RANBP2: variants seen among roughly 807,000 people sequenced by gnomAD.
RANBP2 encodes the protein RAN binding protein 2, also known as E3 SUMO-protein ligase RanBP2.
A neutral mutation model predicts 303.6 loss-of-function variants in RANBP2; 57 were observed. The observed-to-expected ratio is 0.19, with a 90% CI of 0.15 to 0.23. The LOEUF is 0.23. Ranked by LOEUF, RANBP2 falls within the 10% of genes least tolerant of loss-of-function variation. The pLI, the probability that RANBP2 is intolerant of heterozygous loss-of-function variation, is 1.00. For synonymous variants in RANBP2, 1,167 were observed against 1,301.5 expected, an observed-to-expected ratio of 0.90 and a Z score of 2.23; for missense variants, 3,138 against 3,780.8, an observed-to-expected ratio of 0.83 and a Z score of 4.46.
At chr2:108,933,780 G>T in the RANBP2 span, among the ~76,000 whole-genome samples, 15 of 152,080 alleles carry the variant, frequency 9.9e-5, no homozygotes, top group African/African-American at 3.1e-4. Flanking sequence ...TCGGGGTGGC[G>T]GGGAGGCAAG....
At chr2:109,317,948 C>T in the RANBP2 span, among the ~76,000 whole-genome samples, 3 of 152,178 alleles carry the variant, frequency 2.0e-5, no homozygotes, top group East Asian at 5.9e-4. Context: ...CACAACTCTG[C>T]CGCTTGTCCT....
At chr2:108,978,088 G>C in the RANBP2 span, among the ~76,000 whole-genome samples, 1 of 152,196 alleles carries the variant, frequency 6.6e-6, no homozygotes, top group East Asian at 1.9e-4. Flanking sequence ...ATAGGGAAGA[G>C]CCCAGGGTAG....
the RANBP2 span, among the ~76,000 whole-genome samples, chr2:109,687,259 C>T: frequency 6.6e-6 from 1 of 152,140 alleles, no homozygotes; most frequent in Admixed American, 6.5e-5. Context: ...TCAACAAAGA[C>T]TTTTATTTGG....
chr2:108,971,813 G>A, the RANBP2 span, among the ~76,000 whole-genome samples: 8 of 152,188 alleles, frequency 5.3e-5, no homozygotes, highest in Non-Finnish European at 5.9e-5. Context: ...CTGTGTGAAC[G>A]GGCTGGATTT....
the RANBP2 span, chr2:109,347,886 A>T: frequency 1.9e-6 from 3 of 1,612,652 alleles, no homozygotes; most frequent in Non-Finnish European, 2.5e-6. Context: ...CCCAGGGAAA[A>T]GCACTTTATG....
At chr2:109,473,283 C>A in the RANBP2 span, among the ~76,000 whole-genome samples, 2 of 152,194 alleles carry the variant, frequency 1.3e-5, no homozygotes, top group Non-Finnish European at 2.9e-5. Flanking sequence ...TGGGGTTGGG[C>A]CCTGCAGAGC....
the RANBP2 span, among the ~76,000 whole-genome samples, chr2:109,103,960 A>AT: frequency 1.3e-5 from 2 of 151,830 alleles, no homozygotes; most frequent in East Asian, 1.9e-4. Flanking sequence ...CACCCAGCTG[A>AT]TTTTTTGTAT....
chr2:109,120,112 G>C, the RANBP2 span, among the ~76,000 whole-genome samples: 3 of 152,262 alleles, frequency 2.0e-5, no homozygotes, highest in Non-Finnish European at 4.4e-5. Context: ...AGGCCATGCA[G>C]AGTGGGAACT....
chr2:109,024,736 G>A, the RANBP2 span, among the ~76,000 whole-genome samples: 3 of 152,180 alleles, frequency 2.0e-5, no homozygotes, highest in African/African-American at 4.8e-5. Context: ...TCTTGGACGT[G>A]TGCACCTGGG....
chr2:109,704,799 C>G, the RANBP2 span, among the ~76,000 whole-genome samples: 1 of 150,086 alleles, frequency 6.7e-6, no homozygotes, highest in Non-Finnish European at 1.5e-5. Flanking sequence ...TGCAGTGGGC[C>G]GAGATTGTGC....
chr2:109,560,888 G>T, the RANBP2 span, among the ~76,000 whole-genome samples: 8 of 151,988 alleles, frequency 5.3e-5, no homozygotes, highest in Non-Finnish European at 8.8e-5. Context: ...TTACCTTCTA[G>T]TCATCTCTCA....
rs1678473613 is a variant in RANBP2 at position 108,784,529 on chromosome 2, T to A, written c.*628T>A. 1.3e-5 allele frequency: 2 copies of A among 152,672 alleles called. No homozygotes were observed. The highest frequency in any genetic ancestry group is 2.9e-5 in the Non-Finnish European group (2 of 68,050). The allele number at this position is 152,672 out of a possible 1,614,324, so 9.5% of individuals were successfully genotyped here. A position where few individuals can be genotyped will look rare whatever the true frequency, so the allele number is the denominator to read the frequency against. On this transcript the variant is annotated 3_prime_UTR_variant, in exon 29 of 29. Transcript: ENST00000283195. ...TGCCCTTTCATAGATATTCGATTAATTTTTACATTTTAAACAAGTTGACTA... is the reference window on the plus strand; with the variant it reads ...TGCCCTTTCATAGATATTCGATTAAATTTTACATTTTAAACAAGTTGACTA...
At chr2:109,227,542 C>T in the RANBP2 span, among the ~76,000 whole-genome samples, 1 of 152,280 alleles carries the variant, frequency 6.6e-6, no homozygotes, top group East Asian at 1.9e-4. Flanking sequence ...CTGCCTGGGC[C>T]CTGCCCTTCA....
the RANBP2 span, among the ~76,000 whole-genome samples, chr2:109,439,929 C>T: frequency 4.6e-5 from 7 of 152,020 alleles, no homozygotes; most frequent in Non-Finnish European, 1.0e-4. Flanking sequence ...GAATTCATTC[C>T]GACTGGGGAG....
At chr2:108,835,923 G>C in the RANBP2 span, among the ~76,000 whole-genome samples, 1 of 152,148 alleles carries the variant, frequency 6.6e-6, no homozygotes, top group Non-Finnish European at 1.5e-5. Flanking sequence ...CAGGGCAGAA[G>C]AGCAAAAACA....
the RANBP2 span, among the ~76,000 whole-genome samples, chr2:109,436,126 A>G: frequency 1.3e-5 from 2 of 152,208 alleles, no homozygotes; most frequent in South Asian, 4.1e-4. Flanking sequence ...TGTGTCTTGA[A>G]ATAAGATCCT....
chr2:109,221,588 A>G, the RANBP2 span, among the ~76,000 whole-genome samples: 1 of 151,534 alleles, frequency 6.6e-6, no homozygotes, highest in Non-Finnish European at 1.5e-5. Context: ...TCTCAAAAAA[A>G]AAAAAAAAAA....
the RANBP2 span, among the ~76,000 whole-genome samples, chr2:108,902,536 T>C: frequency 6.6e-6 from 1 of 152,176 alleles, no homozygotes; most frequent in African/African-American, 2.4e-5. Flanking sequence ...ACTTATTCTA[T>C]GAGGGTAGTA....
the RANBP2 span, among the ~76,000 whole-genome samples, chr2:109,521,917 G>C: frequency 6.6e-6 from 1 of 152,188 alleles, no homozygotes; most frequent in Admixed American, 6.5e-5. Flanking sequence ...GCAGGGATGG[G>C]GAGGGAGGGG....
Sources: gnomAD v4.1 joint callset for allele counts (sites outside exome capture counted in the v4.1 genomes callset) on GRCh38, gnomAD v4.1.1 for gene constraint, MANE v1.5 for transcripts, NCBI Gene and HGNC (gene_info 2026-07-23, HGNC 2026-07-21) for gene names.